PDE1C: variants seen among roughly 807,000 people sequenced by gnomAD.
The protein encoded by PDE1C is dual specificity calcium/calmodulin-dependent 3',5'-cyclic nucleotide phosphodiesterase 1C.
In PDE1C, 62 loss-of-function variants were observed where a neutral mutation model predicts 93.1. That is an observed-to-expected ratio of 0.67 (90% CI 0.54 to 0.82). The LOEUF is 0.82. PDE1C is among the 40% of genes least tolerant of loss of function. The pLI is 0.00. For synonymous variants in PDE1C, 325 were observed against 310.1 expected (o/e 1.05, Z -0.50); for missense variants, 742 against 884.6 (o/e 0.84, Z 2.04).
intron 2 of PDE1C, among the ~76,000 whole-genome samples, chr7:31,974,003 G>A (rs1811309872): frequency 6.6e-6 from 1 of 152,168 alleles, no homozygotes; most frequent in African/African-American, 2.4e-5. Context: ...TGGACAGTAT[G>A]GCTCCTGTAG....
At chr7:32,191,347 C>CGAGGA (rs1382150515) in intron 2 of PDE1C, among the ~76,000 whole-genome samples, 4 of 151,994 alleles carry the variant, frequency 2.6e-5, no homozygotes, top group African/African-American at 9.7e-5. Flanking sequence ...ACAAAGATCC[C>CGAGGA]TCATGTTATC....
chr7:31,819,759 T>C (rs1211252593), intron 14 of PDE1C, among the ~76,000 whole-genome samples: 1 of 152,092 alleles, frequency 6.6e-6, no homozygotes, highest in Admixed American at 6.6e-5. Context: ...AATGATACTA[T>C]AGGGTCTCAG....
At chr7:31,702,407 AG>A in the PDE1C span, among the ~76,000 whole-genome samples, 254 of 152,252 alleles carry the variant, frequency 1.7e-3, no homozygotes, top group Non-Finnish European at 2.9e-3. Flanking sequence ...TGTTTCTCAT[AG>A]GTTAAGTTAA....
chr7:32,035,892 G>A (rs188690823), intron 2 of PDE1C, among the ~76,000 whole-genome samples: 36 of 152,296 alleles, frequency 2.4e-4, no homozygotes, highest in African/African-American at 7.9e-4. Context: ...CAGCTTTAAC[G>A]TGCCTGGTCA....
At chr7:31,706,354 A>G in the PDE1C span, among the ~76,000 whole-genome samples, 1 of 151,732 alleles carries the variant, frequency 6.6e-6, no homozygotes, top group Non-Finnish European at 1.5e-5. Context: ...AGGAACAGCA[A>G]CTCTTTATTT....
chr7:31,729,430 G>A, the PDE1C span, among the ~76,000 whole-genome samples: 4 of 152,168 alleles, frequency 2.6e-5, no homozygotes, highest in Non-Finnish European at 5.9e-5. Context: ...CCCAGTGAGA[G>A]GAAAAAAGCA....
chr7:32,388,678 TAA>T (rs5883343), intron 1 of PDE1C, among the ~76,000 whole-genome samples: 2 of 81,588 alleles, frequency 2.5e-5, no homozygotes, highest in Admixed American at 1.7e-4. Flanking sequence ...GTCCCATTTC[TAA>T]AAAAAAAAAA....
intron 1 of PDE1C, among the ~76,000 whole-genome samples, chr7:32,319,833 AGTGTGTAATT>A (rs1368630641): frequency 1.3e-5 from 2 of 152,208 alleles, no homozygotes; most frequent in Non-Finnish European, 2.9e-5. Context: ...TTCTTAAGAT[AGTGTGTAATT>A]GCACCTATTT....
At chr7:32,105,785 C>T (rs1176090896) in intron 3 of PDE1C, among the ~76,000 whole-genome samples, 5 of 150,748 alleles carry the variant, frequency 3.3e-5, no homozygotes, top group Admixed American at 6.6e-5. Flanking sequence ...CTTGGTCTCC[C>T]AAAGTGCTGG....
At chr7:31,920,858 C>T (rs1033120170) in intron 2 of PDE1C, among the ~76,000 whole-genome samples, 3 of 152,132 alleles carry the variant, frequency 2.0e-5, no homozygotes, top group African/African-American at 7.2e-5. Flanking sequence ...TACATCCTGT[C>T]CACCAGAAAA....
At chr7:31,956,214 C>T (rs1401275319) in intron 2 of PDE1C, among the ~76,000 whole-genome samples, 1 of 152,134 alleles carries the variant, frequency 6.6e-6, no homozygotes, top group Non-Finnish European at 1.5e-5. Context: ...CTGCCTCAGC[C>T]TCCCAAGTAG....
chr7:32,285,636 A>G (rs1811946730), intron 1 of PDE1C, among the ~76,000 whole-genome samples: 3 of 151,846 alleles, frequency 2.0e-5, no homozygotes, highest in Admixed American at 2.0e-4. Context: ...ACCTCAATAA[A>G]GCTGAAGAAA....
intron 16 of PDE1C, chr7:31,785,282 G>C (rs75272281): frequency 6.6e-6 from 1 of 152,164 alleles, no homozygotes; most frequent in Non-Finnish European, 1.5e-5. Flanking sequence ...GACTGAATGA[G>C]TGTGCCCTGA....
chr7:32,265,566 C>T (rs148152791), intron 1 of PDE1C, among the ~76,000 whole-genome samples: 53 of 152,258 alleles, frequency 3.5e-4, no homozygotes, highest in African/African-American at 1.1e-3. Flanking sequence ...AGGGAACAAA[C>T]GTTGAGGGCA....
intron 2 of PDE1C, among the ~76,000 whole-genome samples, chr7:32,183,015 CAGAG>C (rs1803553462): frequency 6.6e-6 from 1 of 152,104 alleles, no homozygotes; most frequent in Non-Finnish European, 1.5e-5. Flanking sequence ...AACAGACAAA[CAGAG>C]AGCCAAATCG....
intron 6 of PDE1C, among the ~76,000 whole-genome samples, chr7:31,872,343 A>G (rs182993704): frequency 1.3e-5 from 2 of 152,268 alleles, no homozygotes; most frequent in East Asian, 3.9e-4. Context: ...ACAGTTAACA[A>G]GAATGTATTG....
intron 2 of PDE1C, among the ~76,000 whole-genome samples, chr7:31,956,373 T>A (rs1283996344): frequency 6.6e-6 from 1 of 152,120 alleles, no homozygotes; most frequent in Admixed American, 6.5e-5. Flanking sequence ...ATTACAGGTG[T>A]GAGCCACTGC....
chr7:31,732,638 CTGTGTGTGTG>C, the PDE1C span, among the ~76,000 whole-genome samples: 6,072 of 144,110 alleles, frequency 0.042, 260 homozygotes, highest in African/African-American at 0.099. Flanking sequence ...TCCTCTCTTT[CTGTGTGTGTG>C]TGTGTGTGTG....
the PDE1C span, among the ~76,000 whole-genome samples, chr7:31,730,646 A>T: frequency 3.3e-5 from 5 of 152,202 alleles, no homozygotes; most frequent in East Asian, 9.6e-4. Flanking sequence ...CAAGTACTTT[A>T]TTAGGTACTG....
Sources: allele counts gnomAD v4.1 joint callset (sites outside exome capture counted in the v4.1 genomes callset), GRCh38; gene constraint gnomAD v4.1.1; transcripts MANE v1.5; gene names NCBI Gene and HGNC (gene_info 2026-07-23, HGNC 2026-07-21).